PLRG1: variants seen among roughly 807,000 people sequenced by gnomAD.
PLRG1 encodes pleiotropic regulator 1.
PLRG1 carries 28 observed loss-of-function variants against 74.9 expected under a neutral mutation model. That is an observed-to-expected ratio of 0.37 (90% CI 0.28 to 0.51). The LOEUF (loss-of-function observed/expected upper bound fraction) is 0.51, where lower values mean the gene tolerates loss of function less well. Among genes scored for constraint, PLRG1 ranks in the 20% least tolerant of loss-of-function variants. PLRG1 has a pLI of 0.91. For synonymous variants in PLRG1, 197 were observed against 212.4 expected, an observed-to-expected ratio of 0.93 and a Z score of 0.63; for missense variants, 445 against 631.9, an observed-to-expected ratio of 0.70 and a Z score of 3.17.
intron 1 of PLRG1, chr4:154,549,524 G>A: frequency 2.7e-6 from 1 of 373,566 alleles, no homozygotes; most frequent in South Asian, 2.0e-5. Flanking sequence ...TATGGAGGAT[G>A]AGATGGTGCT....
chr4:154,544,325 C>A, intron 7 of PLRG1, 120 bp downstream of exon 7: 1 of 658,626 alleles, frequency 1.5e-6, no homozygotes. Flanking sequence ...CTCAATCCAC[C>A]TCAGATCGCT....
rs984173862 is a variant in PLRG1 at position 154,545,926 on chromosome 4, G to A, written c.405-3C>T. On this transcript the variant is annotated splice_polypyrimidine_tract_variant and splice_region_variant and intron_variant, in intron 5 of 14. Coordinates refer to ENST00000499023, the MANE Select transcript of PLRG1 (RefSeq NM_002669.4). ...GGGCAGTACGATTTGCATCAGCCCT[G>A]GGGCAAAAGAAATAATATTTTCAAA... 1.6e-5 allele frequency: 26 copies of A among 1,591,024 alleles called. No homozygotes were observed. Among genetic ancestry groups the A allele is most frequent in the East Asian group, 6.7e-5 (3 of 44,686 alleles).
At chr4:154,536,776 A>G (rs946304476) in intron 14 of PLRG1, 32 bp from the exon 15 acceptor site, 1 of 1,219,564 alleles carries the variant, frequency 8.2e-7, no homozygotes, top group Non-Finnish European at 1.2e-6. Context: ...AAAATAAAGT[A>G]TTATTAGTTT....
chr4:154,540,839 C>A lies in PLRG1; in HGVS notation c.783G>T (p.Leu261=). The A allele has an allele frequency of 6.2e-7, 1 of 1,613,564 alleles. No homozygotes were observed. ...CTTGTTTGTCTTCTCCACAAGAGAA[C>A]AGATATGGGCTCCTTGTGCTTACTA... ...GVIVSTRSPY[L]FSCGEDKQVK... Residue 261 remains leucine (L), a synonymous_variant, in exon 9 of 15, where the codon CTG becomes CTT. Coordinates refer to ENST00000499023, the MANE Select transcript of PLRG1 (RefSeq NM_002669.4).
chr4:154,548,905 CA>C lies in PLRG1; in HGVS notation c.39del (p.Val14CysfsTer5), dbSNP rs1729707717. The C allele has an allele frequency of 6.2e-7, 1 of 1,607,236 alleles. No individual in the cohort carries two copies. Among genetic ancestry groups the C allele is most frequent in the African/African-American group, 1.3e-5 (1 of 74,694 alleles). On this transcript the variant is annotated frameshift_variant, in exon 2 of 15. Coordinates refer to ENST00000499023, the MANE Select transcript of PLRG1 (RefSeq NM_002669.4). LOFTEE classifies it high-confidence loss of function. ...EEVQKHSVHT[L>X]VFRSLKRTHD... is the part of the protein sequence containing the mutation. ...TGGGTCCTCTTCAACGACCTGAACACAAGGGTGTGTACAGAATGTTTCTGTA... is the reference window on the plus strand; with the variant it reads ...TGGGTCCTCTTCAACGACCTGAACACAGGGTGTGTACAGAATGTTTCTGTA...
At position 154,547,787 on chromosome 4, in the gene PLRG1, T is replaced by C; in HGVS notation, c.183A>G (p.Ser61=). 1 of 1,613,044 alleles carries C rather than the reference T, an allele frequency of 6.2e-7. No individual in the cohort carries two copies. Among genetic ancestry groups the C allele is most frequent in the Non-Finnish European group, 8.5e-7 (1 of 1,179,066 alleles). The change falls in exon 3 of 15, where the codon TCA becomes TCG. Residue 61 remains serine (S), a synonymous_variant. Coordinates refer to ENST00000499023, the MANE Select transcript of PLRG1 (RefSeq NM_002669.4). ...EYGPVLHMPT[S]KENLKEKGPQ... Reference sequence around the variant, plus strand: ...GACCCTTCTCTTTAAGATTTTCTTTTGAAGTAGGCATATGCAACACAGGAC... The same window carrying C: ...GACCCTTCTCTTTAAGATTTTCTTTCGAAGTAGGCATATGCAACACAGGAC...
In PLRG1 at chr4:154,540,645, C is replaced by T; in HGVS notation, c.888G>A (p.Leu296=). The T allele has an allele frequency of 6.2e-7, 1 of 1,613,622 alleles. No individual in the cohort carries two copies. The highest frequency in any genetic ancestry group is 8.5e-7 in the Non-Finnish European group (1 of 1,179,626). ...GHLSAVYGLD[L]HPTIDVLVTC... is the part of the protein sequence containing the mutation. ...TTACCAACACATCGATTGTCGGGTGCAAATCCAAACCATACACTGCACTTA... is the reference window on the plus strand; with the variant it reads ...TTACCAACACATCGATTGTCGGGTGTAAATCCAAACCATACACTGCACTTA... The change falls in exon 10 of 15, where the codon TTG becomes TTA. Residue 296 remains leucine (L), a synonymous_variant. Coordinates refer to ENST00000499023, the MANE Select transcript of PLRG1 (RefSeq NM_002669.4).
At chr4:154,549,031 T>C (rs758520003) in intron 1 of PLRG1, 96 bp from the exon 2 acceptor site, 14 of 751,920 alleles carry the variant, frequency 1.9e-5, no homozygotes, top group Non-Finnish European at 2.3e-6. Context: ...TTTAAATATG[T>C]AAAAAGCTTT....
In PLRG1 at chr4:154,536,603, G is replaced by T; in HGVS notation, c.*82C>A. ...TATATTCCCAGCCAGAGCACAAAAT[G>T]ACTGGATATCCTCATGAACGCCAAG... On this transcript the variant is annotated 3_prime_UTR_variant, in exon 15 of 15. Coordinates refer to ENST00000499023, the MANE Select transcript of PLRG1 (RefSeq NM_002669.4). The T allele has an allele frequency of 2.8e-6, 2 of 723,788 alleles. No individual in the cohort carries two copies. Among genetic ancestry groups the T allele is most frequent in the South Asian group, 1.6e-5 (1 of 61,366 alleles). The allele number at this position is 723,788 out of a possible 1,614,324, so 44.8% of individuals were successfully genotyped here.
Position 154,547,770 on chromosome 4 carries a change from T to C in PLRG1, c.200A>G (p.Glu67Gly). ...ATCCGTTGCATTCTGAGGACCCTTC[T>C]CTTTAAGATTTTCTTTTGAAGTAGG... Reference protein sequence around the residue: ...HMPTSKENLKEKGPQNATDSY... With the variant: ...HMPTSKENLKGKGPQNATDSY... The change falls in exon 3 of 15, where the codon GAG (glutamate) becomes GGG (glycine). Residue 67 changes from glutamate to glycine, a missense_variant. This residue lies in a region of PLRG1 where 206 missense variants were observed against 210.8 expected (regional missense o/e 0.98). Coordinates refer to ENST00000499023, the MANE Select transcript of PLRG1 (RefSeq NM_002669.4). The C allele has an allele frequency of 2.5e-6, 4 of 1,613,102 alleles. No homozygotes were observed. The South Asian group carries it at 4.4e-5, about 18-fold the overall frequency.
rs80276344 is a variant in PLRG1 at position 154,550,333 on chromosome 4, G to C, written c.-25C>G. ...TGATGCTACCGTGTATCCCACCTCCGGCAGGGAAGAAACTCTAATCACTAA... is the reference window on the plus strand; with the variant it reads ...TGATGCTACCGTGTATCCCACCTCCCGCAGGGAAGAAACTCTAATCACTAA... On this transcript the variant is annotated 5_prime_UTR_variant, in exon 1 of 15. Transcript: ENST00000499023. The C allele has an allele frequency of 6.2e-7, 1 of 1,611,170 alleles. No homozygotes were observed. Among genetic ancestry groups the C allele is most frequent in the Non-Finnish European group, 8.5e-7 (1 of 1,177,328 alleles).
At chr4:154,543,272 G>A (rs1206447137) in intron 7 of PLRG1, among the ~76,000 whole-genome samples, 1 of 152,022 alleles carries the variant, frequency 6.6e-6, no homozygotes, top group East Asian at 1.9e-4. Flanking sequence ...TTCAGCCTCT[G>A]GAGTAGCTGG....
At chr4:154,545,027 C>A (rs1729625078) in intron 6 of PLRG1, among the ~76,000 whole-genome samples, 1 of 152,112 alleles carries the variant, frequency 6.6e-6, no homozygotes, top group Non-Finnish European at 1.5e-5. Flanking sequence ...TCTTCTAATA[C>A]AATATTTAAA....
chr4:154,538,813 A>G (rs1487937239), intron 12 of PLRG1, among the ~76,000 whole-genome samples: 1 of 152,156 alleles, frequency 6.6e-6, no homozygotes, highest in Non-Finnish European at 1.5e-5. Context: ...CAAAACATTA[A>G]GCCTAGCCAC....
intron 12 of PLRG1, 90 bp downstream of exon 12, chr4:154,539,015 C>T (rs1578766350): frequency 2.6e-6 from 2 of 778,336 alleles, no homozygotes; most frequent in South Asian, 1.5e-5. Context: ...AGCTAAATGA[C>T]TGCCAAAAGC....
rs200013753 is a variant in PLRG1, at chr4:154,548,938, A to G, written c.10-3T>C. 106 of 1,374,690 alleles carry G rather than the reference A, an allele frequency of 7.7e-5. 1 individual carries two copies. In the East Asian group the frequency reaches 2.3e-3, roughly 30 times the overall value. The allele number at this position is 1,374,690 out of a possible 1,614,324, so 85.2% of individuals were successfully genotyped here. A position where few individuals can be genotyped will look rare whatever the true frequency, so the allele number is the denominator to read the frequency against. ...TGTACAGAATGTTTCTGTACCTCCT[A>G]AAAAAAAAGAATGTAATTACACACC... On this transcript the variant is annotated splice_polypyrimidine_tract_variant and splice_region_variant and intron_variant, in intron 1 of 14. Transcript: ENST00000499023.
intron 10 of PLRG1, 27 bp downstream of exon 10, chr4:154,540,567 A>G: frequency 7.0e-7 from 1 of 1,432,036 alleles, no homozygotes; most frequent in East Asian, 2.3e-5. Context: ...ATATTTACAG[A>G]TAAATACACA....
intron 14 of PLRG1, among the ~76,000 whole-genome samples, chr4:154,537,013 G>A (rs555922298): frequency 7.6e-4 from 116 of 152,042 alleles, no homozygotes; most frequent in Non-Finnish European, 1.1e-3. Flanking sequence ...TATGATTCTC[G>A]AATTAATTTA....
intron 13 of PLRG1, 50 bp from the exon 14 acceptor site, chr4:154,537,529 T>C (rs372455038): frequency 3.6e-5 from 47 of 1,315,852 alleles, no homozygotes; most frequent in South Asian, 6.1e-5. Context: ...GCAGTACAGC[T>C]TGACAAACAT....
Sources: gnomAD v4.1 joint callset for allele counts (sites outside exome capture counted in the v4.1 genomes callset) on GRCh38, gnomAD v4.1.1 for gene constraint, gnomAD v4.1.1 regional missense constraint, MANE v1.5 for transcripts, NCBI Gene and HGNC (gene_info 2026-07-23, HGNC 2026-07-21) for gene names.